The following MGLL variants were observed in gnomAD, a reference collection of about 807,000 sequenced individuals.
MGLL encodes monoglyceride lipase.
Under a neutral mutation model 29.1 loss-of-function variants are expected in MGLL, and 7 were observed. The ratio of observed to expected loss-of-function variants is 0.24; its 90% confidence interval spans 0.14 to 0.45. MGLL has a LOEUF of 0.45. Among genes scored for constraint, MGLL ranks in the 20% least tolerant of loss-of-function variants. MGLL has a pLI of 0.99. For synonymous variants in MGLL, 148 were observed against 168.3 expected (o/e 0.88, Z 0.93); for missense variants, 356 against 413.6 (o/e 0.86, Z 1.21).
Position 127,722,495 on chromosome 3 carries a change from GCAA to G in MGLL, c.331_333del (p.Leu111del). ...TCTTTCTGCATGGAATCCACATGCT[GCAA>G]CACATCCCTGACGAAAACGTGGAAG... On this transcript the variant is annotated inframe_deletion, in exon 4 of 8. Transcript: ENST00000265052. 1 of 1,614,230 alleles carries G rather than the reference GCAA, an allele frequency of 6.2e-7. No individual in the cohort carries two copies. The highest frequency in any genetic ancestry group is 8.5e-7 in the Non-Finnish European group (1 of 1,180,052).
intron 3 of MGLL, among the ~76,000 whole-genome samples, chr3:127,779,701 G>A (rs879525182): frequency 4.6e-5 from 7 of 152,090 alleles, no homozygotes; most frequent in South Asian, 2.1e-4. Flanking sequence ...ATCAGTTAGC[G>A]TCAGATTTAG....
intron 2 of MGLL, 58 bp downstream of exon 2, chr3:127,821,636 G>A (rs2077862313): frequency 1.6e-5 from 26 of 1,595,456 alleles, no homozygotes; most frequent in Non-Finnish European, 2.2e-5. Context: ...AACGACCAGA[G>A]GAGAAGCAGG....
intron 3 of MGLL, among the ~76,000 whole-genome samples, chr3:127,766,135 C>T (rs1250380502): frequency 1.3e-5 from 2 of 152,134 alleles, no homozygotes; most frequent in Non-Finnish European, 2.9e-5. Context: ...ATGATCACTC[C>T]CAAAGGTAGT....
At chr3:127,698,983 C>T (rs2075425315) in intron 6 of MGLL, among the ~76,000 whole-genome samples, 1 of 152,228 alleles carries the variant, frequency 6.6e-6, no homozygotes, top group Non-Finnish European at 1.5e-5. Flanking sequence ...AAGTGACCAC[C>T]CCCACCATGG....
chr3:127,765,743 G>A (rs1429940861), intron 3 of MGLL, among the ~76,000 whole-genome samples: 1 of 152,206 alleles, frequency 6.6e-6, no homozygotes, highest in South Asian at 2.1e-4. Flanking sequence ...GAGTGTTCCC[G>A]CAGGAACGGC....
intron 3 of MGLL, chr3:127,735,905 T>C (rs1403134390): frequency 6.5e-7 from 1 of 1,539,298 alleles, no homozygotes; most frequent in African/African-American, 1.4e-5. Context: ...TGCAAAGAGA[T>C]GGGGCAGCTG....
Position 127,775,186 on chromosome 3 carries a change from C to G in MGLL, c.262+6603G>C, listed in dbSNP as rs148340733. ...GTGGCACAGTCCACTCTCCCACACT[C>G]TACAAGTTGCAGCAAGTTCACTGTC... On this transcript the variant is annotated intron_variant, in intron 3 of 7. Transcript: ENST00000265052. 6.7e-3 allele frequency among the ~76,000 whole-genome samples: 1,018 copies of G among 152,240 alleles called. 16 individuals are homozygous for G. The highest frequency in any genetic ancestry group is 0.027 in the Middle Eastern group (8 of 294).
chr3:127,696,750 C>G (rs2075375328), intron 6 of MGLL, among the ~76,000 whole-genome samples: 1 of 152,008 alleles, frequency 6.6e-6, no homozygotes, highest in African/African-American at 2.4e-5. Context: ...TCATCCTTGC[C>G]AGTGGGTTCT....
At chr3:127,758,524 T>C (rs1185791746) in intron 3 of MGLL, among the ~76,000 whole-genome samples, 1 of 152,226 alleles carries the variant, frequency 6.6e-6, no homozygotes, top group Non-Finnish European at 1.5e-5. Flanking sequence ...TTTTTCAAGC[T>C]AGACAGAAGC....
At chr3:127,723,108 C>T (rs190310484) in intron 3 of MGLL, among the ~76,000 whole-genome samples, 1 of 152,290 alleles carries the variant, frequency 6.6e-6, no homozygotes, top group Admixed American at 6.5e-5. Flanking sequence ...GAAAGCGTCT[C>T]GACGAAGCTG....
chr3:127,786,097 T>C (rs2077207429), intron 2 of MGLL, among the ~76,000 whole-genome samples: 1 of 152,152 alleles, frequency 6.6e-6, no homozygotes, highest in Admixed American at 6.5e-5. Context: ...GAAGGCTGGG[T>C]CCACAGCCCC....
Position 127,691,382 on chromosome 3 carries a change from C to T in MGLL, c.*816G>A, listed in dbSNP as rs1165592391. ...AAAATAGTCTCTGCTTTAAAATATA[C>T]ATTATATATTAGACATTTCATCTTC... On this transcript the variant is annotated 3_prime_UTR_variant, in exon 8 of 8. Coordinates refer to ENST00000265052, the MANE Select transcript of MGLL (RefSeq NM_007283.7). The T allele has an allele frequency of 1.3e-5, 2 of 152,274 alleles. No individual in the cohort carries two copies. The highest frequency in any genetic ancestry group is 4.8e-5 in the African/African-American group (2 of 41,450). 9.4% of individuals were successfully genotyped at this position (152,274 alleles called of 1,614,324 possible).
At chr3:127,796,302 A>G (rs1333957387) in intron 2 of MGLL, among the ~76,000 whole-genome samples, 1 of 152,168 alleles carries the variant, frequency 6.6e-6, no homozygotes, top group African/African-American at 2.4e-5. Flanking sequence ...ATCTTCCTAC[A>G]TTGGGCCTCG....
chr3:127,757,461 C>T (rs922562604), intron 3 of MGLL, among the ~76,000 whole-genome samples: 1 of 152,164 alleles, frequency 6.6e-6, no homozygotes, highest in Non-Finnish European at 1.5e-5. Flanking sequence ...GACACACATG[C>T]ACACAGACAT....
intron 5 of MGLL, among the ~76,000 whole-genome samples, chr3:127,718,690 A>G (rs571446851): frequency 6.6e-6 from 1 of 152,132 alleles, no homozygotes; most frequent in Non-Finnish European, 1.5e-5. Context: ...AAAAAGAAGA[A>G]CAAATGGAGT....
intron 3 of MGLL, among the ~76,000 whole-genome samples, chr3:127,746,838 C>A (rs375924159): frequency 5.3e-5 from 8 of 152,194 alleles, no homozygotes; most frequent in Admixed American, 2.6e-4. Flanking sequence ...GTGCATTCCA[C>A]AAGATCCACC....
At chr3:127,739,313 A>G (rs977822254) in intron 3 of MGLL, among the ~76,000 whole-genome samples, 1 of 152,180 alleles carries the variant, frequency 6.6e-6, no homozygotes, top group Non-Finnish European at 1.5e-5. Flanking sequence ...CTGGCTTGTT[A>G]GTGAGTTTAA....
chr3:127,728,688 C>T (rs1313647437), intron 3 of MGLL, among the ~76,000 whole-genome samples: 1 of 152,222 alleles, frequency 6.6e-6, no homozygotes, highest in Non-Finnish European at 1.5e-5. Context: ...GGTAGATAAA[C>T]TTGGACTATT....
chr3:127,770,539 G>C (rs1003245437), intron 3 of MGLL, among the ~76,000 whole-genome samples: 2 of 152,084 alleles, frequency 1.3e-5, no homozygotes, highest in Admixed American at 6.6e-5. Context: ...TCACCTTTCA[G>C]AAAGAACCGA....
Sources: allele counts gnomAD v4.1 joint callset (sites outside exome capture counted in the v4.1 genomes callset), GRCh38; gene constraint gnomAD v4.1.1; transcripts MANE v1.5; gene names NCBI Gene and HGNC (gene_info 2026-07-23, HGNC 2026-07-21).